TMEM117: variants seen among roughly 807,000 people sequenced by gnomAD.
TMEM117 encodes the protein transmembrane protein 117.
Under a neutral mutation model 52.4 loss-of-function variants are expected in TMEM117, and 27 were observed. The observed-to-expected ratio is 0.51, with a 90% CI of 0.38 to 0.71. The LOEUF (loss-of-function observed/expected upper bound fraction) is 0.71, where lower values mean the gene tolerates loss of function less well. TMEM117 is among the 30% of genes least tolerant of loss of function. TMEM117 has a pLI of 0.00. For missense variants in TMEM117, 556 were observed against 630.5 expected (o/e 0.88, Z 1.26); for synonymous variants, 215 against 206.3 (o/e 1.04, Z -0.36).
intron 2 of TMEM117, among the ~76,000 whole-genome samples, chr12:43,884,900 C>T (rs1943963744): frequency 6.6e-6 from 1 of 152,200 alleles, no homozygotes; most frequent in Non-Finnish European, 1.5e-5. Context: ...AGCACAAGCA[C>T]CATCCTATAA....
chr12:44,078,860 GCA>G (rs1491359121), intron 3 of TMEM117, among the ~76,000 whole-genome samples: 4 of 85,270 alleles, frequency 4.7e-5, no homozygotes, highest in Admixed American at 1.4e-4. Flanking sequence ...CCCTCCCCTA[GCA>G]CCCCCCCACC....
the TMEM117 span, among the ~76,000 whole-genome samples, chr12:43,809,959 A>G: frequency 6.6e-6 from 1 of 152,198 alleles, no homozygotes; most frequent in African/African-American, 2.4e-5. Context: ...CAGAACAGAG[A>G]GTCTGGGTTA....
intron 5 of TMEM117, among the ~76,000 whole-genome samples, chr12:44,213,663 C>T (rs1784045530): frequency 6.6e-6 from 1 of 152,124 alleles, no homozygotes; most frequent in Admixed American, 6.5e-5. Context: ...CCTTGCTGTT[C>T]ACGTGATAGT....
intron 3 of TMEM117, among the ~76,000 whole-genome samples, chr12:43,960,083 A>C (rs1046098495): frequency 2.0e-5 from 3 of 152,172 alleles, no homozygotes; most frequent in Admixed American, 6.5e-5. Context: ...ATTCTGCTGG[A>C]GTGGTGCTTT....
chr12:44,328,529 T>C (rs147821981), intron 6 of TMEM117, among the ~76,000 whole-genome samples: 144 of 152,280 alleles, frequency 9.5e-4, no homozygotes, highest in African/African-American at 3.0e-3. Context: ...TTTAGAAAAT[T>C]AGTGTCACGG....
At position 44,081,519 on chromosome 12, in the gene TMEM117, A is replaced by T. The variant is rs145423930; in HGVS notation, c.411-62006A>T. ...ACAGAAGCGTCTGTGTTCTGTGATC[A>T]TCCGTTTATACATTTAAAAACCTTA... On this transcript the variant is annotated intron_variant, in intron 3 of 7. Coordinates refer to ENST00000266534, the MANE Select transcript of TMEM117 (RefSeq NM_032256.3). Among the ~76,000 whole-genome samples, 436 of 152,266 alleles carry T rather than the reference A, an allele frequency of 2.9e-3. 1 individual carries two copies. Among genetic ancestry groups the T allele is most frequent in the African/African-American group, 9.8e-3 (408 of 41,572 alleles).
chr12:44,328,590 T>C (rs545952882), intron 6 of TMEM117, among the ~76,000 whole-genome samples: 1 of 152,246 alleles, frequency 6.6e-6, no homozygotes, highest in South Asian at 2.1e-4. Flanking sequence ...TTACAATCAC[T>C]GATATAACTT....
At chr12:44,142,302 T>C (rs1234316624) in intron 3 of TMEM117, among the ~76,000 whole-genome samples, 1 of 152,122 alleles carries the variant, frequency 6.6e-6, no homozygotes, top group Non-Finnish European at 1.5e-5. Context: ...GATCCAGAAT[T>C]TTGGGGTTGT....
chr12:44,246,914 A>G (rs1950138143), intron 5 of TMEM117, among the ~76,000 whole-genome samples: 2 of 152,180 alleles, frequency 1.3e-5, no homozygotes, highest in African/African-American at 4.8e-5. Context: ...TGGGCCCTGC[A>G]TCTGTTGCAT....
At chr12:44,010,973 C>A (rs183042610) in intron 3 of TMEM117, among the ~76,000 whole-genome samples, 25 of 152,302 alleles carry the variant, frequency 1.6e-4, no homozygotes, top group African/African-American at 6.0e-4. Context: ...TGTTCCTTCA[C>A]AATGCTCTCC....
intron 1 of TMEM117, among the ~76,000 whole-genome samples, chr12:43,843,716 T>G (rs1943152814): frequency 6.6e-6 from 1 of 152,232 alleles, no homozygotes; most frequent in East Asian, 1.9e-4. Flanking sequence ...GGATATCCTT[T>G]GTGAAATCTT....
intron 6 of TMEM117, among the ~76,000 whole-genome samples, chr12:44,311,885 GTA>G (rs1262819349): frequency 3.0e-5 from 4 of 131,432 alleles, no homozygotes; most frequent in African/African-American, 1.3e-4. Flanking sequence ...ATGTATATAT[GTA>G]TATATATGTG....
At chr12:43,991,846 C>T (rs1471342814) in intron 3 of TMEM117, among the ~76,000 whole-genome samples, 1 of 152,192 alleles carries the variant, frequency 6.6e-6, no homozygotes, top group African/African-American at 2.4e-5. Flanking sequence ...CCAAACTGCT[C>T]TCTCCGTTTC....
chr12:43,941,037 T>G (rs1049542994), intron 2 of TMEM117, among the ~76,000 whole-genome samples: 1 of 152,198 alleles, frequency 6.6e-6, no homozygotes, highest in Admixed American at 6.5e-5. Context: ...TACAGGTTTG[T>G]GTCCCACTTT....
chr12:44,289,459 A>G (rs1950675741), intron 5 of TMEM117, among the ~76,000 whole-genome samples: 1 of 151,838 alleles, frequency 6.6e-6, no homozygotes, highest in Admixed American at 6.6e-5. Flanking sequence ...TTTTTTGAAG[A>G]ACCTCCTTAC....
intron 2 of TMEM117, among the ~76,000 whole-genome samples, chr12:43,860,472 G>A (rs1943469927): frequency 6.6e-6 from 1 of 152,160 alleles, no homozygotes; most frequent in African/African-American, 2.4e-5. Context: ...AAATGCTGTG[G>A]TGAATAATAA....
In TMEM117 at chr12:44,336,755, T is replaced by C. The variant is rs553349151; in HGVS notation, c.768+37016T>C. Among the ~76,000 whole-genome samples the C allele has an allele frequency of 3.3e-5, 5 of 152,040 alleles. 1 individual carries two copies. Among genetic ancestry groups the C allele is most frequent in the African/African-American group, 9.6e-5 (4 of 41,512 alleles). ...TATATGTAAAACATGGTATCAGTCA[T>C]AGAGCAAGCACTTTATAAATGATTA... On this transcript the variant is annotated intron_variant, in intron 6 of 7. Transcript: ENST00000266534.
At chr12:44,235,801 C>T (rs975016845) in intron 5 of TMEM117, among the ~76,000 whole-genome samples, 2 of 151,742 alleles carry the variant, frequency 1.3e-5, no homozygotes, top group South Asian at 4.1e-4. Context: ...TTACTTTAAT[C>T]TTATAGTCTA....
At chr12:44,182,251 T>G (rs1949211932) in intron 4 of TMEM117, among the ~76,000 whole-genome samples, 2 of 152,204 alleles carry the variant, frequency 1.3e-5, no homozygotes, top group Admixed American at 6.5e-5. Flanking sequence ...ATGGAGATTT[T>G]GGGCTGAGAC....
Sources: gnomAD v4.1 joint callset for allele counts (sites outside exome capture counted in the v4.1 genomes callset) on GRCh38, gnomAD v4.1.1 for gene constraint, MANE v1.5 for transcripts, NCBI Gene and HGNC (gene_info 2026-07-23, HGNC 2026-07-21) for gene names.